The following ABI1 variants were observed in gnomAD, a reference collection of about 807,000 sequenced individuals.
The protein encoded by ABI1 is Abelson interactor 1.
Under a neutral mutation model 54.6 loss-of-function variants are expected in ABI1, and 14 were observed. The ratio of observed to expected loss-of-function variants is 0.26; its 90% confidence interval spans 0.17 to 0.40. The LOEUF (loss-of-function observed/expected upper bound fraction) is 0.40, where lower values mean the gene tolerates loss of function less well. ABI1 is among the 10% of genes least tolerant of loss of function. The probability of loss-of-function intolerance (pLI) is 1.00; values close to 1 mark genes in which losing one functional copy is unlikely to be tolerated. For synonymous variants in ABI1, 194 were observed against 209.3 expected, an observed-to-expected ratio of 0.93 and a Z score of 0.63; for missense variants, 443 against 598.3, an observed-to-expected ratio of 0.74 and a Z score of 2.71.
At chr10:26,809,472 C>T (rs1016420881) in intron 2 of ABI1, among the ~76,000 whole-genome samples, 3 of 151,962 alleles carry the variant, frequency 2.0e-5, no homozygotes, top group African/African-American at 7.3e-5. Flanking sequence ...GTGGGCGGAT[C>T]CCTTGAGCCA....
intron 2 of ABI1, among the ~76,000 whole-genome samples, chr10:26,778,171 G>C (rs1204609943): frequency 6.6e-6 from 1 of 152,156 alleles, no homozygotes. Flanking sequence ...AAGCAGCCTA[G>C]ACACCTGTTT....
intron 7 of ABI1, chr10:26,764,081 T>G: frequency 1.6e-6 from 1 of 631,778 alleles, no homozygotes; most frequent in South Asian, 2.2e-5. Flanking sequence ...ATGTAAAGCA[T>G]GCTCAAATGA....
chr10:26,797,639 G>A (rs955648282), intron 2 of ABI1, among the ~76,000 whole-genome samples: 14 of 152,062 alleles, frequency 9.2e-5, no homozygotes, highest in Non-Finnish European at 5.9e-5. Flanking sequence ...CAAGAAGGAA[G>A]GCAAGGCATG....
At chr10:26,842,772 C>A (rs1247574608) in intron 1 of ABI1, among the ~76,000 whole-genome samples, 1 of 152,128 alleles carries the variant, frequency 6.6e-6, no homozygotes, top group South Asian at 2.1e-4. Context: ...AGAGGCTAGG[C>A]GCAGTGGCTC....
chr10:26,773,215 C>CTTTTTTTTTCTTTTTTTTTTTTTTTTT (rs1840937131), intron 3 of ABI1, among the ~76,000 whole-genome samples: 1 of 92,528 alleles, frequency 1.1e-5, no homozygotes, highest in African/African-American at 4.5e-5. Context: ...AATGCTAATT[C>CTTTTTTTTTCTTTTTTTTTTTTTTTTT]TTTTTTTTTT....
At chr10:26,833,769 TACACACAC>T (rs61653104) in intron 1 of ABI1, among the ~76,000 whole-genome samples, 5 of 150,292 alleles carry the variant, frequency 3.3e-5, no homozygotes, top group Non-Finnish European at 5.9e-5. Flanking sequence ...ACAATATTTA[TACACACAC>T]ACACACACAC....
intron 1 of ABI1, among the ~76,000 whole-genome samples, chr10:26,848,431 A>AT (rs1320864303): frequency 6.6e-6 from 1 of 152,128 alleles, no homozygotes; most frequent in African/African-American, 2.4e-5. Flanking sequence ...AAATAAATTC[A>AT]TATCAACAAA....
At chr10:26,829,524 T>C (rs2048528655) in intron 1 of ABI1, among the ~76,000 whole-genome samples, 1 of 152,318 alleles carries the variant, frequency 6.6e-6, no homozygotes, top group Non-Finnish European at 1.5e-5. Flanking sequence ...TAGCTTAACT[T>C]AGACATTCCA....
chr10:26,807,049 C>T (rs544556859), intron 2 of ABI1, among the ~76,000 whole-genome samples: 15 of 152,188 alleles, frequency 9.9e-5, no homozygotes, highest in African/African-American at 3.6e-4. Flanking sequence ...TTTTAGATTA[C>T]ATTTTATATG....
At chr10:26,835,878 T>C (rs1304008113) in intron 1 of ABI1, among the ~76,000 whole-genome samples, 1 of 151,626 alleles carries the variant, frequency 6.6e-6, no homozygotes, top group Non-Finnish European at 1.5e-5. Flanking sequence ...TCCTCCCAAG[T>C]AGCTGGCACT....
At chr10:26,841,971 T>G (rs10764655) in intron 1 of ABI1, among the ~76,000 whole-genome samples, 1 of 151,970 alleles carries the variant, frequency 6.6e-6, no homozygotes. Flanking sequence ...CTGGGTCATA[T>G]AGTACTTCTA....
intron 1 of ABI1, among the ~76,000 whole-genome samples, chr10:26,828,578 G>A (rs928844902): frequency 2.0e-5 from 3 of 152,058 alleles, no homozygotes; most frequent in Non-Finnish European, 4.4e-5. Context: ...CCAAAGTAAA[G>A]GTAAATTAAT....
chr10:26,810,274 T>C (rs1015108540), intron 2 of ABI1, among the ~76,000 whole-genome samples: 1 of 152,176 alleles, frequency 6.6e-6, no homozygotes, highest in African/African-American at 2.4e-5. Context: ...TAACCCTATA[T>C]GCTGGGGATA....
intron 1 of ABI1, among the ~76,000 whole-genome samples, chr10:26,851,761 G>A (rs1474033768): frequency 2.6e-5 from 4 of 152,120 alleles, no homozygotes; most frequent in South Asian, 2.1e-4. Flanking sequence ...TAGGGTGAGC[G>A]AGGATAGCAG....
At chr10:26,815,426 G>A (rs1390797374) in intron 2 of ABI1, among the ~76,000 whole-genome samples, 1 of 152,106 alleles carries the variant, frequency 6.6e-6, no homozygotes, top group African/African-American at 2.4e-5. Flanking sequence ...TCCAAAGAAT[G>A]AGAATTGAAT....
intron 1 of ABI1, among the ~76,000 whole-genome samples, chr10:26,841,236 G>C (rs745607783): frequency 5.3e-5 from 8 of 151,902 alleles, no homozygotes; most frequent in Non-Finnish European, 8.8e-5. Flanking sequence ...TACCTGGTGA[G>C]CTTTTATTCT....
chr10:26,803,813 A>G (rs2046709245), intron 2 of ABI1, among the ~76,000 whole-genome samples: 4 of 152,214 alleles, frequency 2.6e-5, no homozygotes, highest in Admixed American at 2.6e-4. Context: ...GCCAGGCCCT[A>G]TTGAAGATAC....
Position 26,771,779 on chromosome 10 carries a change from G to A in ABI1, c.463-690C>T, listed in dbSNP as rs190282787. Among the ~76,000 whole-genome samples, 173 of 152,180 alleles carry A rather than the reference G, an allele frequency of 1.1e-3. 1 individual carries two copies. The highest frequency in any genetic ancestry group is 3.9e-3 in the African/African-American group (161 of 41,532). ...TAATAGGAAGTTCTAAGTAGCTTTAGTTCTAAGTTTTCATCTGAGCCAGTT... is the reference window on the plus strand; with the variant it reads ...TAATAGGAAGTTCTAAGTAGCTTTAATTCTAAGTTTTCATCTGAGCCAGTT... On this transcript the variant is annotated intron_variant, in intron 3 of 10. Coordinates refer to ENST00000376140, the MANE Select transcript of ABI1 (RefSeq NM_001012750.3).
At chr10:26,757,310 C>A (rs1838442577) in intron 8 of ABI1, among the ~76,000 whole-genome samples, 1 of 151,972 alleles carries the variant, frequency 6.6e-6, no homozygotes, top group Non-Finnish European at 1.5e-5. Flanking sequence ...AATTTGCTTT[C>A]CAATATTCAA....
Sources: allele counts gnomAD v4.1 joint callset (sites outside exome capture counted in the v4.1 genomes callset), GRCh38; gene constraint gnomAD v4.1.1; transcripts MANE v1.5; gene names NCBI Gene and HGNC (gene_info 2026-07-23, HGNC 2026-07-21).